OR51M1: variants seen among roughly 807,000 people sequenced by gnomAD.
OR51M1 encodes the protein olfactory receptor 51M1.
For missense variants in OR51M1, 509 were observed against 404.4 expected (o/e 1.26, Z -2.22); for synonymous variants, 199 against 155.1 (o/e 1.28, Z -2.10).
intron 1 of OR51M1, among the ~76,000 whole-genome samples, chr11:5,384,409 A>T (rs1490594258): frequency 6.6e-6 from 1 of 151,848 alleles, no homozygotes; most frequent in African/African-American, 2.4e-5. Flanking sequence ...CTCTTCTGAT[A>T]TTCTCAGAGT....
chr11:5,387,930 T>G (rs1048684917), intron 2 of OR51M1, among the ~76,000 whole-genome samples: 6 of 152,172 alleles, frequency 3.9e-5, no homozygotes, highest in Admixed American at 6.6e-5. Context: ...TTGTCTCTGT[T>G]CTGTTTCTGT....
chr11:5,388,858 G>A (rs1202907599), intron 2 of OR51M1, among the ~76,000 whole-genome samples: 1 of 151,986 alleles, frequency 6.6e-6, no homozygotes, highest in African/African-American at 2.4e-5. Context: ...TCAGTAAACA[G>A]AAACCCTAGG....
At position 5,389,471 on chromosome 11, in the gene OR51M1, T is replaced by C. The variant is rs754761686; in HGVS notation, c.73T>C (p.Tyr25His). Residue 25 changes from tyrosine (Y) to histidine (H), a missense_variant, in exon 3 of 3, where the codon TAT (tyrosine) becomes CAT (histidine). Physicochemically the swap from Tyr to His is moderately conservative, Grantham distance 83. Coordinates refer to ENST00000642046, the MANE Select transcript of OR51M1 (RefSeq NM_001004756.3). ...CATTACTCAGTTTAGCCCCATATTC[T>C]ATCTCACCAGCTTTCCTGGATTGGA... ...SNITQFSPIF[Y>H]LTSFPGLEGI... is the part of the protein sequence containing the mutation. 4.3e-6 allele frequency: 7 copies of C among 1,613,982 alleles called. No individual in the cohort carries two copies. The highest frequency in any genetic ancestry group is 5.9e-6 in the Non-Finnish European group (7 of 1,179,846).
At position 5,386,665 on chromosome 11, in the gene OR51M1, A is replaced by C. The variant is rs534219063; in HGVS notation, c.-16+1207A>C. Among the ~76,000 whole-genome samples the C allele has an allele frequency of 2.0e-4, 31 of 152,150 alleles. No homozygotes were observed. The South Asian group carries it at 6.3e-3, about 31-fold the overall frequency. ...GGTGGCTGCAGTAGAGGATGGACCA[A>C]GGGAAGGAGGAGCCTGGCTTTGCAT... On this transcript the variant is annotated intron_variant, in intron 2 of 2. Coordinates refer to ENST00000642046, the MANE Select transcript of OR51M1 (RefSeq NM_001004756.3).
chr11:5,389,779 C>T lies in OR51M1; in HGVS notation c.381C>T (p.Leu127=), dbSNP rs776328978. Residue 127 remains leucine (L), a synonymous_variant, in exon 3 of 3, where the codon CTC becomes CTT. Transcript: ENST00000642046. ...HSFSFMESSV[L]LMMSFDRLVA... ...TTTCCTTCATGGAGTCCTCAGTGCT[C>T]CTCATGATGTCCTTTGACCGCCTTG... is the stretch of plus-strand genomic sequence containing the variant. 6.2e-6 allele frequency: 10 copies of T among 1,613,846 alleles called. No homozygotes were observed. The East Asian group carries it at 2.0e-4, about 32-fold the overall frequency.
At position 5,392,933 on chromosome 11, in the gene OR51M1, T is replaced by C; in HGVS notation, c.*2554T>C. On this transcript the variant is annotated 3_prime_UTR_variant, in exon 3 of 3. Coordinates refer to ENST00000642046, the MANE Select transcript of OR51M1 (RefSeq NM_001004756.3). Reference sequence around the variant, plus strand: ...TCTCAAAAACAAAAAAAAAGAAAAATAAATAAATATCTGTGCTGTTAAGTA... The same window carrying C: ...TCTCAAAAACAAAAAAAAAGAAAAACAAATAAATATCTGTGCTGTTAAGTA... 1 of 38,344 alleles carries C rather than the reference T, an allele frequency of 2.6e-5. No homozygotes were observed. The highest frequency in any genetic ancestry group is 5.8e-4 in the East Asian group (1 of 1,726). 2.4% of individuals were successfully genotyped at this position (38,344 alleles called of 1,614,324 possible).
intron 2 of OR51M1, among the ~76,000 whole-genome samples, chr11:5,385,772 C>G (rs1484412759): frequency 6.8e-6 from 1 of 147,024 alleles, no homozygotes; most frequent in Non-Finnish European, 1.5e-5. Flanking sequence ...AATATACAGA[C>G]ACATATATGT....
At chr11:5,384,375 T>G (rs1245379208) in intron 1 of OR51M1, among the ~76,000 whole-genome samples, 184 of 152,304 alleles carry the variant, frequency 1.2e-3, no homozygotes, top group African/African-American at 4.2e-3. Flanking sequence ...AATGAAGTCT[T>G]AGAAACCAGG....
intron 2 of OR51M1, among the ~76,000 whole-genome samples, chr11:5,387,094 T>A (rs921955656): frequency 6.6e-6 from 1 of 152,024 alleles, no homozygotes; most frequent in Non-Finnish European, 1.5e-5. Context: ...ATAGATAATA[T>A]AATGAATGAG....
intron 2 of OR51M1, among the ~76,000 whole-genome samples, chr11:5,388,306 T>C (rs1264361894): frequency 1.3e-5 from 2 of 151,710 alleles, no homozygotes; most frequent in African/African-American, 2.4e-5. Flanking sequence ...AATACAGAAA[T>C]TGACAATGCT....
intron 2 of OR51M1, among the ~76,000 whole-genome samples, chr11:5,388,483 G>C (rs1849736512): frequency 6.7e-6 from 1 of 150,366 alleles, no homozygotes; most frequent in Non-Finnish European, 1.5e-5. Context: ...TTAAGGGAAA[G>C]CTATTTCAGG....
At position 5,389,751 on chromosome 11, in the gene OR51M1, C is replaced by T; in HGVS notation, c.353C>T (p.Ser118Phe). The change falls in exon 3 of 3, where the codon TCT becomes TTT. Residue 118 changes from serine (S) to phenylalanine (F), a missense_variant. Physicochemically the swap from Ser to Phe is radical, Grantham distance 155 (BLOSUM62 -2). Coordinates refer to ENST00000642046, the MANE Select transcript of OR51M1 (RefSeq NM_001004756.3). Reference sequence around the variant, plus strand: ...CAAATCCAGATGTTCTGCATCCACTCTTTTTCCTTCATGGAGTCCTCAGTG... The same window carrying T: ...CAAATCCAGATGTTCTGCATCCACTTTTTTTCCTTCATGGAGTCCTCAGTG... The part of the protein sequence containing the change: ...ACQIQMFCIH[S>F]FSFMESSVLL... The T allele has an allele frequency of 6.2e-7, 1 of 1,613,996 alleles. No individual in the cohort carries two copies. The highest frequency in any genetic ancestry group is 1.1e-5 in the South Asian group (1 of 91,086).
In OR51M1 at chr11:5,389,387, A is replaced by T; in HGVS notation, c.-12A>T. 6.2e-7 allele frequency: 1 copy of T among 1,608,440 alleles called. No homozygotes were observed. Among genetic ancestry groups the T allele is most frequent in the Non-Finnish European group, 8.5e-7 (1 of 1,176,044 alleles). On this transcript the variant is annotated 5_prime_UTR_variant, in exon 3 of 3. Coordinates refer to ENST00000642046, the MANE Select transcript of OR51M1 (RefSeq NM_001004756.3). The stretch of plus-strand genomic sequence containing the variant: ...AGAAATATCCATTTATTTTCAGCTC[A>T]ATCCCCGAGGAATGTCAGTCCAATA...
At chr11:5,386,168 C>T (rs1849692923) in intron 2 of OR51M1, among the ~76,000 whole-genome samples, 1 of 151,506 alleles carries the variant, frequency 6.6e-6, no homozygotes, top group South Asian at 2.1e-4. Context: ...TGGTTTTTGC[C>T]AAGAAAGCAA....
rs544096449 is a variant in OR51M1, at chr11:5,393,084, A to C, written c.*2705A>C. On this transcript the variant is annotated 3_prime_UTR_variant, in exon 3 of 3. Transcript: ENST00000642046. ...TCTGTGTCTCAGAAATGCCACTTCTAAAAATCTGTCCTAAATAAATGATAA... is the reference window on the plus strand; with the variant it reads ...TCTGTGTCTCAGAAATGCCACTTCTCAAAATCTGTCCTAAATAAATGATAA... 2.6e-5 allele frequency: 4 copies of C among 152,336 alleles called. No individual in the cohort carries two copies. In the East Asian group the frequency reaches 7.7e-4, roughly 29 times the overall value. 9.4% of individuals were successfully genotyped at this position (152,336 alleles called of 1,614,324 possible).
Position 5,390,586 on chromosome 11 carries a change from C to T in OR51M1, c.*207C>T. 3.8e-6 allele frequency: 2 copies of T among 521,354 alleles called. No homozygotes were observed. Among genetic ancestry groups the T allele is most frequent in the Non-Finnish European group, 6.7e-6 (2 of 299,284 alleles). 32.3% of individuals were successfully genotyped at this position (521,354 alleles called of 1,614,324 possible). On this transcript the variant is annotated 3_prime_UTR_variant, in exon 3 of 3. Transcript: ENST00000642046. ...TAATGGCTCCTCCTACAGCTGAGAA[C>T]TGGCATTTTTGGTAGCATCAAAGCT...
chr11:5,390,725 A>G lies in OR51M1; in HGVS notation c.*346A>G, dbSNP rs1849782968. On this transcript the variant is annotated 3_prime_UTR_variant, in exon 3 of 3. Transcript: ENST00000642046. Reference sequence around the variant, plus strand: ...CAGAGCACCCAGAGGAGAGCCTGGCAGAGACCAGGTAAATGCCATTTGCTC... The same window carrying G: ...CAGAGCACCCAGAGGAGAGCCTGGCGGAGACCAGGTAAATGCCATTTGCTC... 1 of 195,626 alleles carries G rather than the reference A, an allele frequency of 5.1e-6. No individual in the cohort carries two copies. The highest frequency in any genetic ancestry group is 1.1e-5 in the Non-Finnish European group (1 of 95,206). 12.1% of individuals were successfully genotyped at this position (195,626 alleles called of 1,614,324 possible). A position where few individuals can be genotyped will look rare whatever the true frequency, so the allele number is the denominator to read the frequency against.
rs1413595584 is a variant in OR51M1, at chr11:5,390,099, T to G, written c.701T>G (p.Leu234Arg). The G allele has an allele frequency of 2.5e-6, 4 of 1,613,696 alleles. No homozygotes were observed. The highest frequency in any genetic ancestry group is 3.4e-6 in the Non-Finnish European group (4 of 1,179,894). ...VLIALSYGLILHTVAGLASQE... is the reference protein window; with the variant it reads ...VLIALSYGLIRHTVAGLASQE... ...ATCGCACTGTCCTATGGACTCATCCTGCACACAGTAGCAGGCCTGGCCTCC... is the reference window on the plus strand; with the variant it reads ...ATCGCACTGTCCTATGGACTCATCCGGCACACAGTAGCAGGCCTGGCCTCC... The change falls in exon 3 of 3, where the codon CTG becomes CGG. Residue 234 changes from leucine (L) to arginine (R), a missense_variant. Physicochemically the swap from Leu to Arg is moderately radical, Grantham distance 102. Transcript: ENST00000642046.
Position 5,389,559 on chromosome 11 carries a change from A to G in OR51M1, c.161A>G (p.Asn54Ser), listed in dbSNP as rs774078429. 7 of 1,613,916 alleles carry G rather than the reference A, an allele frequency of 4.3e-6. No homozygotes were observed. Among genetic ancestry groups the G allele is most frequent in the East Asian group, 2.2e-5 (1 of 44,878 alleles). ...ATGTACATGGTTGCCATCTCAGGCA[A>G]TTGTTTCATTCTGATCATTATTAAG... is the stretch of plus-strand genomic sequence containing the variant. ...FFMYMVAISG[N>S]CFILIIIKTN... Residue 54 changes from asparagine to serine, a missense_variant, in exon 3 of 3, where the codon AAT (asparagine) becomes AGT (serine). Asn to Ser is a conservative substitution (Grantham distance 46). Coordinates refer to ENST00000642046, the MANE Select transcript of OR51M1 (RefSeq NM_001004756.3).
Sources: allele counts gnomAD v4.1 joint callset (sites outside exome capture counted in the v4.1 genomes callset), GRCh38; gene constraint gnomAD v4.1.1; transcripts MANE v1.5; gene names NCBI Gene and HGNC (gene_info 2026-07-23, HGNC 2026-07-21).